Variants in SETD9 observed in about 807,000 individuals in gnomAD.
SETD9 encodes the protein SET domain-containing protein 9.
In SETD9, 37 loss-of-function variants were observed where a neutral mutation model predicts 36.4. The ratio of observed to expected loss-of-function variants is 1.02; its 90% CI spans 0.78 to 1.34. The LOEUF is 1.34. SETD9 is among the 40% of genes most tolerant of loss of function. The pLI is 0.00. For synonymous variants in SETD9, 128 were observed against 132.9 expected (o/e 0.96, Z 0.26); for missense variants, 323 against 353.2 (o/e 0.91, Z 0.69).
At chr5:56,918,271 C>CACTT (rs1667920785), downstream of SETD9, among the ~76,000 whole-genome samples, 6 of 152,126 alleles carry the variant, frequency 3.9e-5, no homozygotes, top group African/African-American at 1.4e-4. Flanking sequence ...AGGACTTTTG[C>CACTT]ACTTAGTTCT....
downstream of SETD9, among the ~76,000 whole-genome samples, chr5:56,927,505 CAG>C (rs1358382375): frequency 6.6e-6 from 1 of 152,102 alleles, no homozygotes; most frequent in African/African-American, 2.4e-5. Context: ...AGGAAATAAA[CAG>C]AGCATATTTT....
intron 5 of SETD9, chr5:56,923,702 C>T (rs375219210): frequency 2.5e-6 from 4 of 1,614,102 alleles, no homozygotes; most frequent in Non-Finnish European, 1.7e-6. Flanking sequence ...TGTCAAGTCA[C>T]TGGCAGTGAA....
chr5:56,918,121 G>C (rs1006254959), downstream of SETD9, among the ~76,000 whole-genome samples: 2 of 150,622 alleles, frequency 1.3e-5, no homozygotes, highest in Non-Finnish European at 3.0e-5. Context: ...CCCTATCATG[G>C]AGTAAATGCT....
intron 1 of SETD9, chr5:56,910,081 G>T (rs1280720647): frequency 1.3e-5 from 16 of 1,259,492 alleles, no homozygotes; most frequent in African/African-American, 1.6e-5. Context: ...CTCGCCAGCC[G>T]GATGTGTCGC....
chr5:56,913,540 G>C (rs1749265451), intron 3 of SETD9, among the ~76,000 whole-genome samples: 1 of 151,060 alleles, frequency 6.6e-6, no homozygotes, highest in Non-Finnish European at 1.5e-5. Context: ...TGCACCACCA[G>C]GCCCAGATAA....
intron 1 of SETD9, chr5:56,910,430 G>C (rs1749058046): frequency 7.7e-7 from 1 of 1,300,530 alleles, no homozygotes; most frequent in Non-Finnish European, 1.0e-6. Flanking sequence ...GCGCACCAGT[G>C]ATCAGCTCAA....
intron 5 of SETD9, chr5:56,922,961 G>A (rs1579828381): frequency 1.6e-6 from 1 of 628,890 alleles, no homozygotes; most frequent in Non-Finnish European, 2.7e-6. Flanking sequence ...TTTATGGATT[G>A]AAAAATGAAA....
intron 5 of SETD9, chr5:56,923,714 G>A (rs1404904173): frequency 6.2e-7 from 1 of 1,614,228 alleles, no homozygotes; most frequent in Non-Finnish European, 8.5e-7. Flanking sequence ...GGCAGTGAAG[G>A]AGTTGAGAAT....
intron 5 of SETD9, 96 bp downstream of exon 5, chr5:56,915,062 T>C (rs994937440): frequency 4.8e-6 from 4 of 830,628 alleles, no homozygotes; most frequent in Non-Finnish European, 6.9e-6. Flanking sequence ...GTAAAATTTT[T>C]TTTTTAGTGA....
At chr5:56,912,953 C>T (rs529159111) in intron 2 of SETD9, 58 bp from the exon 3 acceptor site, 7 of 1,538,332 alleles carry the variant, frequency 4.6e-6, no homozygotes, top group South Asian at 2.3e-5. Context: ...GGGTTCTTAT[C>T]GCAGTGTTTA....
intron 1 of SETD9, chr5:56,909,971 G>A: frequency 7.9e-7 from 1 of 1,260,366 alleles, no homozygotes; most frequent in Non-Finnish European, 1.0e-6. Flanking sequence ...GGTGGAGTCC[G>A]AGGCCCGCTG....
rs751048503 is a variant in SETD9, at chr5:56,923,617, T to C, written c.813-1716T>C. On this transcript the variant is annotated intron_variant, in intron 5 of 5. Coordinates refer to the SETD9 transcript ENST00000628593. ...AGGAATGGAAAATTGTTTAAGTAAGTGGTCCTATGACATCAAACAGAGGAC... is the reference window on the plus strand; with the variant it reads ...AGGAATGGAAAATTGTTTAAGTAAGCGGTCCTATGACATCAAACAGAGGAC... 8.3e-5 allele frequency: 134 copies of C among 1,611,452 alleles called. 1 individual carries two copies. Among genetic ancestry groups the C allele is most frequent in the South Asian group, 3.0e-4 (27 of 90,970 alleles).
Position 56,916,815 on chromosome 5 carries a change from C to A in SETD9, c.813C>A (p.Ser271Arg). 6.2e-7 allele frequency: 1 copy of A among 1,600,024 alleles called. No homozygotes were observed. The highest frequency in any genetic ancestry group is 1.3e-5 in the African/African-American group (1 of 74,398). The change falls in exon 6 of 6, where the codon AGC (serine) becomes AGA (arginine). Residue 271 changes from serine to arginine, a missense_variant and splice_region_variant. Coordinates refer to ENST00000285947, the MANE Select transcript of SETD9 (RefSeq NM_153706.4). Reference sequence around the variant, plus strand: ...CTTTTGTATATCTTTTTGTTTTCAGCCCACTTCGATGTGTTGTTCTTGTCG... The same window carrying A: ...CTTTTGTATATCTTTTTGTTTTCAGACCACTTCGATGTGTTGTTCTTGTCG... ...PNIAYSYDKQ[S>R]PLRCVVLVAL...
At chr5:56,912,078 C>A (rs1248102436) in intron 2 of SETD9, 1 of 508,504 alleles carries the variant, frequency 2.0e-6, no homozygotes, top group Non-Finnish European at 2.5e-6. Context: ...TGGCGTGAAC[C>A]CGGGAGGCGG....
At chr5:56,928,032 C>T (rs572826066), downstream of SETD9, 2 of 151,184 alleles carry the variant, frequency 1.3e-5, no homozygotes, top group African/African-American at 4.8e-5. Flanking sequence ...CACATGTCTC[C>T]TTGCGGCTTG....
chr5:56,916,950 A>C lies in SETD9; in HGVS notation c.*48A>C. The C allele has an allele frequency of 6.5e-7, 1 of 1,545,116 alleles. No individual in the cohort carries two copies. Among genetic ancestry groups the C allele is most frequent in the Non-Finnish European group, 8.7e-7 (1 of 1,153,484 alleles). On this transcript the variant is annotated 3_prime_UTR_variant, in exon 6 of 6. Coordinates refer to ENST00000285947, the MANE Select transcript of SETD9 (RefSeq NM_153706.4). ...GGTTTTCTACTCAGCTATTAATTCT[A>C]AGTGTTTTTTGTTAATCACTTCTCT...
chr5:56,915,313 A>G (rs988608118), intron 5 of SETD9, among the ~76,000 whole-genome samples: 2 of 152,276 alleles, frequency 1.3e-5, no homozygotes, highest in East Asian at 3.9e-4. Flanking sequence ...TCTCTACCTT[A>G]TAAGAAAGCA....
At chr5:56,924,024 CA>C in intron 5 of SETD9, 1 of 1,613,454 alleles carries the variant, frequency 6.2e-7, no homozygotes, top group Non-Finnish European at 8.5e-7. Context: ...ACACACTCAG[CA>C]ACTGTCCTAG....
downstream of SETD9, among the ~76,000 whole-genome samples, chr5:56,917,842 C>CCTAA (rs774061328): frequency 4.6e-5 from 7 of 152,318 alleles, no homozygotes; most frequent in Non-Finnish European, 8.8e-5. Context: ...CCTCCATCGA[C>CCTAA]CTGACTCCAG....
Sources: allele counts gnomAD v4.1 joint callset (sites outside exome capture counted in the v4.1 genomes callset), GRCh38; gene constraint gnomAD v4.1.1; transcripts MANE v1.5; gene names NCBI Gene and HGNC (gene_info 2026-07-23, HGNC 2026-07-21).